The following ZPLD1 variants were observed in gnomAD, a reference collection of about 807,000 sequenced individuals.
The protein encoded by ZPLD1 is zona pellucida-like domain-containing protein 1.
Under a neutral mutation model 47.2 loss-of-function variants are expected in ZPLD1, and 34 were observed. That is an observed-to-expected ratio of 0.72 (90% CI 0.55 to 0.96). The LOEUF (loss-of-function observed/expected upper bound fraction) is 0.96. Among genes scored for constraint, ZPLD1 ranks in the 40% least tolerant of loss-of-function variants. The pLI is 0.00. For synonymous variants in ZPLD1, 176 were observed against 186.2 expected, an observed-to-expected ratio of 0.95 and a Z score of 0.45; for missense variants, 512 against 505.8, an observed-to-expected ratio of 1.01 and a Z score of -0.12.
At chr3:102,455,246 C>G (rs765337900) in intron 4 of ZPLD1, among the ~76,000 whole-genome samples, 4 of 152,184 alleles carry the variant, frequency 2.6e-5, no homozygotes, top group Admixed American at 6.5e-5. Flanking sequence ...ATTGAGTGCT[C>G]TCTTGTATTT....
intron 6 of ZPLD1, 66 bp from the exon 7 acceptor site, chr3:102,462,215 G>A (rs1248568152): frequency 2.0e-6 from 2 of 976,634 alleles, no homozygotes; most frequent in Admixed American, 4.5e-5. Context: ...TAATATTGTT[G>A]TTTTAAGTAG....
intron 8 of ZPLD1, among the ~76,000 whole-genome samples, chr3:102,465,283 T>C (rs1474920129): frequency 6.6e-6 from 1 of 152,332 alleles, no homozygotes; most frequent in East Asian, 1.9e-4. Flanking sequence ...AGGTGAATTA[T>C]GGACAACCAG....
chr3:102,447,104 T>A (rs1023961503), intron 3 of ZPLD1, among the ~76,000 whole-genome samples: 1 of 152,196 alleles, frequency 6.6e-6, no homozygotes, highest in African/African-American at 2.4e-5. Context: ...TCTCGCTCTG[T>A]CGCCAGGCTG....
chr3:102,399,685 C>A (rs754617129), intron 7 of ZPLD1, among the ~76,000 whole-genome samples: 6 of 151,988 alleles, frequency 3.9e-5, no homozygotes, highest in Admixed American at 6.6e-5. Flanking sequence ...CCGAAACGAT[C>A]ATGTATACAC....
rs78080130 is a variant in ZPLD1, at chr3:102,399,088, A to G, written c.-157+6863A>G. On this transcript the variant is annotated intron_variant, in intron 7 of 17. Coordinates refer to the ZPLD1 transcript ENST00000491959. ...TATCTCCAGAATCTTTCCCCACACC[A>G]TTTACTCCACCACATTTGCCCTGTG... Among the ~76,000 whole-genome samples, 105 of 152,156 alleles carry G rather than the reference A, an allele frequency of 6.9e-4. 2 individuals are homozygous for G. The East Asian group carries it at 0.019, about 27-fold the overall frequency.
intron 8 of ZPLD1, among the ~76,000 whole-genome samples, chr3:102,423,942 G>A (rs959189005): frequency 1.3e-5 from 2 of 152,116 alleles, no homozygotes; most frequent in African/African-American, 2.4e-5. Flanking sequence ...TCCATTCCAG[G>A]TAGCTGCTTT....
intron 10 of ZPLD1, among the ~76,000 whole-genome samples, chr3:102,473,813 A>C (rs1470427325): frequency 6.6e-6 from 1 of 152,206 alleles, no homozygotes. Flanking sequence ...CTTCATGACC[A>C]GAACTACCTT....
intron 1 of ZPLD1, among the ~76,000 whole-genome samples, chr3:102,435,827 A>G (rs1707082619): frequency 6.6e-6 from 1 of 152,028 alleles, no homozygotes; most frequent in South Asian, 2.1e-4. Context: ...TATTTTTACT[A>G]GAGACGGTGT....
At chr3:102,470,600 CTAAT>C (rs1707668056) in intron 10 of ZPLD1, 98 bp downstream of exon 10, 1 of 864,952 alleles carries the variant, frequency 1.2e-6, no homozygotes, top group Non-Finnish European at 1.8e-6. Flanking sequence ...CTAAACAGCA[CTAAT>C]TAATTGTGAG....
chr3:102,413,394 T>C (rs1706767365), intron 7 of ZPLD1, among the ~76,000 whole-genome samples: 1 of 151,856 alleles, frequency 6.6e-6, no homozygotes, highest in South Asian at 2.1e-4. Context: ...AGTAGCCTCA[T>C]TGCTACTTAT....
chr3:102,426,924 A>G (rs933880851), intron 8 of ZPLD1, among the ~76,000 whole-genome samples: 3 of 152,178 alleles, frequency 2.0e-5, no homozygotes, highest in African/African-American at 7.2e-5. Flanking sequence ...TTATGGCAAT[A>G]ATGCAACTAT....
At chr3:102,386,590 T>C (rs904541026) in intron 6 of ZPLD1, among the ~76,000 whole-genome samples, 7 of 152,146 alleles carry the variant, frequency 4.6e-5, no homozygotes, top group Admixed American at 2.6e-4. Context: ...TTCCCAGATA[T>C]TTTGAAAATA....
At chr3:102,439,110 G>A (rs766323832) in intron 3 of ZPLD1, among the ~76,000 whole-genome samples, 1 of 152,166 alleles carries the variant, frequency 6.6e-6, no homozygotes, top group African/African-American at 2.4e-5. Context: ...TGATGGGCAT[G>A]TCCCACAGGT....
rs1464469241 is a variant in ZPLD1, at chr3:102,478,753, GC to G, written c.*1136del. 6.6e-6 allele frequency: 1 copy of G among 152,022 alleles called. No homozygotes were observed. Among genetic ancestry groups the G allele is most frequent in the Non-Finnish European group, 1.5e-5 (1 of 67,998 alleles). The allele number at this position is 152,022 out of a possible 1,614,324, so 9.4% of individuals were successfully genotyped here. Reference sequence around the variant, plus strand: ...CTTTATCAGTTTTGCAAAAAAGCAAGCTTTAAGCAGCCCATGTTCTTACAAA... The same window carrying G: ...CTTTATCAGTTTTGCAAAAAAGCAAGTTTAAGCAGCCCATGTTCTTACAAA... On this transcript the variant is annotated 3_prime_UTR_variant, in exon 12 of 12. Transcript: ENST00000466937.
chr3:102,423,521 A>G (rs1441040799), intron 8 of ZPLD1, among the ~76,000 whole-genome samples: 1 of 152,128 alleles, frequency 6.6e-6, no homozygotes, highest in Non-Finnish European at 1.5e-5. Flanking sequence ...TATTAATCTT[A>G]CAATTTTATT....
chr3:102,420,953 C>T (rs925159498), intron 8 of ZPLD1, among the ~76,000 whole-genome samples: 3 of 151,810 alleles, frequency 2.0e-5, no homozygotes, highest in Non-Finnish European at 4.4e-5. Context: ...AATACAGATG[C>T]TAAATTCAAA....
chr3:102,429,705 A>C (rs185881695), intron 8 of ZPLD1, among the ~76,000 whole-genome samples: 3 of 152,284 alleles, frequency 2.0e-5, no homozygotes, highest in Admixed American at 1.3e-4. Flanking sequence ...TGGAATATGG[A>C]TCAAAATGTC....
Position 102,438,570 on chromosome 3 carries a change from C to G in ZPLD1, c.83C>G (p.Ala28Gly), listed in dbSNP as rs1296162866. The G allele has an allele frequency of 3.7e-6, 6 of 1,612,924 alleles. No homozygotes were observed. Among genetic ancestry groups the G allele is most frequent in the Non-Finnish European group, 5.1e-6 (6 of 1,179,070 alleles). ...CAGTTCAACGGCTACAACTGTGATG[C>G]CAACCTCCACAGTAGATTTCCTGGT... is the stretch of plus-strand genomic sequence containing the variant. ...SAQFNGYNCDANLHSRFPAER... is the reference protein window; with the variant it reads ...SAQFNGYNCDGNLHSRFPAER... The change falls in exon 3 of 12, where the codon GCC becomes GGC. Residue 28 changes from alanine (A) to glycine (G), a missense_variant. Coordinates refer to ENST00000466937, the MANE Select transcript of ZPLD1 (RefSeq NM_001329788.2).
chr3:102,405,925 G>A (rs185511074), intron 7 of ZPLD1, among the ~76,000 whole-genome samples: 139 of 152,024 alleles, frequency 9.1e-4, no homozygotes, highest in Non-Finnish European at 1.5e-3. Flanking sequence ...TATGCTTCCC[G>A]AGATTCCTCC....
Sources: gnomAD v4.1 joint callset for allele counts (sites outside exome capture counted in the v4.1 genomes callset) on GRCh38, gnomAD v4.1.1 for gene constraint, MANE v1.5 for transcripts, NCBI Gene and HGNC (gene_info 2026-07-23, HGNC 2026-07-21) for gene names.